GGTLC2: variants seen among roughly 807,000 people sequenced by gnomAD.
GGTLC2 encodes glutathione hydrolase light chain 2.
GGTLC2 carries 13 observed loss-of-function variants against 20.2 expected under a neutral mutation model. That is an observed-to-expected ratio of 0.64 (90% CI 0.42 to 1.02). The LOEUF is 1.02. GGTLC2 is among the 50% of genes least tolerant of loss of function. The pLI, the probability that GGTLC2 is intolerant of heterozygous loss-of-function variation, is 0.00. For missense variants in GGTLC2, 202 were observed against 301.3 expected (o/e 0.67, Z 2.44); for synonymous variants, 89 against 125.5 (o/e 0.71, Z 1.94).
In GGTLC2 at chr22:22,646,484, G is replaced by A. The variant is rs758036922; in HGVS notation, c.139G>A (p.Gly47Ser). 2.9e-5 allele frequency: 46 copies of A among 1,565,500 alleles called. No individual in the cohort carries two copies. The highest frequency in any genetic ancestry group is 1.6e-4 in the Admixed American group (9 of 54,810). Reference protein sequence around the residue: ...TAHLSVVAEDGSAVSATSTIN... With the variant: ...TAHLSVVAEDSSAVSATSTIN... ...TCACCTGTCTGTCGTCGCAGAGGAC[G>A]GCAGTGCTGTGTCCGCCACCAGCAC... Residue 47 changes from glycine to serine, a missense_variant, in exon 2 of 6, where the codon GGC becomes AGC. Coordinates refer to ENST00000448514, the MANE Select transcript of GGTLC2 (RefSeq NM_199127.3).
chr22:22,646,284 T>TCGCCCC, intron 1 of GGTLC2, 28 bp from the exon 2 acceptor site: 1 of 632,426 alleles, frequency 1.6e-6, no homozygotes, highest in Non-Finnish European at 2.8e-6. Flanking sequence ...CTGTGTCCCC[T>TCGCCCC]CCCCACCCTC....
At chr22:22,645,663 T>C (rs4820509) in intron 1 of GGTLC2, among the ~76,000 whole-genome samples, 8,438 of 143,412 alleles carry the variant, frequency 0.059, 378 homozygotes, top group East Asian at 0.15. Context: ...CTGCTCATTC[T>C]TCTGCCCTAA....
At chr22:22,645,514 C>T (rs1405003977) in intron 1 of GGTLC2, among the ~76,000 whole-genome samples, 1 of 150,874 alleles carries the variant, frequency 6.6e-6, no homozygotes, top group Non-Finnish European at 1.5e-5. Context: ...CCTCGCTAGT[C>T]GGCGCCATCC....
intron 1 of GGTLC2, among the ~76,000 whole-genome samples, chr22:22,645,209 C>G (rs1413182234): frequency 6.6e-6 from 1 of 150,454 alleles, no homozygotes; most frequent in Non-Finnish European, 1.5e-5. Flanking sequence ...CCACCGCGCC[C>G]GGTGTTGAAA....
intron 1 of GGTLC2, chr22:22,646,037 T>A (rs189941759): frequency 0.054 from 48,920 of 912,878 alleles, 2,799 homozygotes; most frequent in South Asian, 0.2. Flanking sequence ...GTTCCAGGCA[T>A]GCAGTGCAAA....
At chr22:22,646,549 G>T (rs1322495730) in intron 2 of GGTLC2, 28 bp downstream of exon 2, 1 of 1,501,926 alleles carries the variant, frequency 6.7e-7, no homozygotes, top group Non-Finnish European at 9.0e-7. Flanking sequence ...GCCTGGGTGG[G>T]AAAGGGCCAG....
In GGTLC2 at chr22:22,647,013, C is replaced by T. The variant is rs150559361; in HGVS notation, c.335C>T (p.Thr112Met). Residue 112 changes from threonine to methionine, a missense_variant, in exon 4 of 6, where the codon ACG (threonine) becomes ATG (methionine). Thr to Met is a moderately conservative substitution (Grantham distance 81). Around this residue, in one of 4 missense-constraint regions of GGTLC2, gnomAD observed 65 missense variants for 87.5 expected, o/e 0.74. Transcript: ENST00000448514. Reference protein sequence around the residue: ...GKQPLSSMCPTIMVGQDGQPP... With the variant: ...GKQPLSSMCPMIMVGQDGQPP... ...CAGCCGCTCTCGTCAATGTGCCCGA[C>T]GATCATGGTGGGCCAGGACGGCCAG... is the stretch of plus-strand genomic sequence containing the variant. 10,747 of 1,611,660 alleles carry T rather than the reference C, an allele frequency of 6.7e-3. 56 individuals are homozygous for T. The highest frequency in any genetic ancestry group is 7.6e-3 in the Non-Finnish European group (8,946 of 1,179,800).
At chr22:22,645,270 T>C (rs1269724926) in intron 1 of GGTLC2, among the ~76,000 whole-genome samples, 2 of 151,470 alleles carry the variant, frequency 1.3e-5, no homozygotes, top group African/African-American at 2.4e-5. Context: ...TGTCTCCTCC[T>C]TGACCTCCTC....
Position 22,647,610 on chromosome 22 carries a change from C to T in GGTLC2, c.526C>T (p.Leu176=). The change falls in exon 6 of 6, where the codon CTG becomes TTG. Residue 176 remains leucine, a synonymous_variant. Transcript: ENST00000448514. Reference sequence around the variant, plus strand: ...CCACCCCCAGGCAGTGACTGCAGCCCTGGAGACCCGGCACCATCACACCCA... The same window carrying T: ...CCACCCCCAGGCAGTGACTGCAGCCTTGGAGACCCGGCACCATCACACCCA... ...RNIDQAVTAA[L]ETRHHHTQIA... The T allele has an allele frequency of 6.3e-7, 1 of 1,587,254 alleles. No individual in the cohort carries two copies. Among genetic ancestry groups the T allele is most frequent in the Non-Finnish European group, 8.6e-7 (1 of 1,160,360 alleles).
intron 1 of GGTLC2, among the ~76,000 whole-genome samples, chr22:22,645,535 T>C (rs1462012669): frequency 6.6e-6 from 1 of 150,992 alleles, no homozygotes; most frequent in East Asian, 2.0e-4. Flanking sequence ...TTGATTCTTC[T>C]CTTTCTCCCA....
At position 22,647,166 on chromosome 22, in the gene GGTLC2, C is replaced by T. The variant is rs969814566; in HGVS notation, c.386C>T (p.Pro129Leu). 1.4e-5 allele frequency: 22 copies of T among 1,611,504 alleles called. No homozygotes were observed. The African/African-American group carries it at 2.4e-4, about 18-fold the overall frequency. The change falls in exon 5 of 6, where the codon CCC (proline) becomes CTC (leucine). Residue 129 changes from proline to leucine, a missense_variant. By Grantham distance (98) the Pro-to-Leu change is moderately conservative. Around this residue, in one of 4 missense-constraint regions of GGTLC2, gnomAD observed 65 missense variants for 87.5 expected, o/e 0.74. Coordinates refer to ENST00000448514, the MANE Select transcript of GGTLC2 (RefSeq NM_199127.3). ...CCCCCAAGCCATGCTGATCACACTCCCATGCCCCAGGCCATCATCTACAAC... is the reference window on the plus strand; with the variant it reads ...CCCCCAAGCCATGCTGATCACACTCTCATGCCCCAGGCCATCATCTACAAC... ...GQPPSHADHT[P>L]MPQAIIYNLW...
At position 22,644,856 on chromosome 22, in the gene GGTLC2, G is replaced by C. The variant is rs2063982113; in HGVS notation, c.-35+148G>C. On this transcript the variant is annotated intron_variant, in intron 1 of 5. Transcript: ENST00000448514. ...GCTGAGATCGCACCATTGCACTCCA[G>C]CCTGGGCAACAGAGTCAGACTCTCT... is the stretch of plus-strand genomic sequence containing the variant. 2 of 88,390 alleles carry C rather than the reference G, an allele frequency of 2.3e-5. 1 individual carries two copies. The highest frequency in any genetic ancestry group is 4.2e-5 in the Non-Finnish European group (2 of 47,964). The allele number at this position is 88,390 out of a possible 1,614,324, so 5.5% of individuals were successfully genotyped here.
rs1015201304 is a variant in GGTLC2 at position 22,647,868 on chromosome 22, G to T, written c.*127G>T. ...GCAGCACAATAAATGAGGCCACTGT[G>T]CCAGGCTCCAGGTGGCCTCCCTGCC... On this transcript the variant is annotated 3_prime_UTR_variant, in exon 6 of 6. Coordinates refer to ENST00000448514, the MANE Select transcript of GGTLC2 (RefSeq NM_199127.3). 1.3e-6 allele frequency: 2 copies of T among 1,493,396 alleles called. No individual in the cohort carries two copies. Among genetic ancestry groups the T allele is most frequent in the Non-Finnish European group, 1.8e-6 (2 of 1,104,272 alleles). The allele number at this position is 1,493,396 out of a possible 1,614,324, so 92.5% of individuals were successfully genotyped here.
In GGTLC2 at chr22:22,645,385, G is replaced by A. The variant is rs553626873; in HGVS notation, c.-35+677G>A. On this transcript the variant is annotated intron_variant, in intron 1 of 5. Coordinates refer to ENST00000448514, the MANE Select transcript of GGTLC2 (RefSeq NM_199127.3). ...TTCATCTCTCAGCCCGCCCTTGCCC[G>A]TGAACCCATGCTTATTTATTTATTT... Among the ~76,000 whole-genome samples, 13 of 148,192 alleles carry A rather than the reference G, an allele frequency of 8.8e-5. No homozygotes were observed. The East Asian group carries it at 1.7e-3, about 19-fold the overall frequency.
Position 22,645,467 on chromosome 22 carries a change from C to T in GGTLC2, c.-35+759C>T, listed in dbSNP as rs188879223. Among the ~76,000 whole-genome samples, 132 of 149,662 alleles carry T rather than the reference C, an allele frequency of 8.8e-4. 3 individuals carry two copies. In the East Asian group the frequency reaches 0.017, roughly 19 times the overall value. Reference sequence around the variant, plus strand: ...TGATGAAGTATCCAAAATCAAGCTCCTGACCATCCTCAAACCTGCCCCTTC... The same window carrying T: ...TGATGAAGTATCCAAAATCAAGCTCTTGACCATCCTCAAACCTGCCCCTTC... On this transcript the variant is annotated intron_variant, in intron 1 of 5. Transcript: ENST00000448514.
At chr22:22,645,967 G>C in intron 1 of GGTLC2, 1 of 358,942 alleles carries the variant, frequency 2.8e-6, no homozygotes, top group Non-Finnish European at 5.3e-6. Context: ...TTCCCTGTGT[G>C]TGTTTGTTTT....
chr22:22,646,623 T>A (rs2064100769), intron 2 of GGTLC2, 102 bp downstream of exon 2: 1 of 1,368,762 alleles, frequency 7.3e-7, no homozygotes. Context: ...CTTTTCCTGG[T>A]GGGAAACTGA....
At chr22:22,645,011 G>A (rs2064001384) in intron 1 of GGTLC2, among the ~76,000 whole-genome samples, 1 of 132,146 alleles carries the variant, frequency 7.6e-6, no homozygotes, top group Non-Finnish European at 1.5e-5. Flanking sequence ...TCCTGCCTCA[G>A]CCTCTGGAGT....
chr22:22,647,371 T>A, intron 5 of GGTLC2, 81 bp downstream of exon 5: 2 of 1,605,886 alleles, frequency 1.2e-6, no homozygotes, highest in Non-Finnish European at 1.7e-6. Context: ...CATCACAGAG[T>A]GGACAATTGT....
Sources: gnomAD v4.1 joint callset for allele counts (sites outside exome capture counted in the v4.1 genomes callset) on GRCh38, gnomAD v4.1.1 for gene constraint, gnomAD v4.1.1 regional missense constraint, MANE v1.5 for transcripts, NCBI Gene and HGNC (gene_info 2026-07-23, HGNC 2026-07-21) for gene names.